The following DGKB variants were observed in gnomAD, a reference collection of about 807,000 sequenced individuals.
The protein encoded by DGKB is diacylglycerol kinase beta, also known as 90 kDa diacylglycerol kinase.
A neutral mutation model predicts 114.3 loss-of-function variants in DGKB; 67 were observed. The observed-to-expected ratio is 0.59, with a 90% CI of 0.48 to 0.72. DGKB has a LOEUF of 0.72. DGKB is among the 30% of genes least tolerant of loss of function. The pLI, the probability that DGKB is intolerant of heterozygous loss-of-function variation, is 0.00. For synonymous variants in DGKB, 398 were observed against 323.1 expected (o/e 1.23, Z -2.49); for missense variants, 907 against 975.2 (o/e 0.93, Z 0.93).
chr7:14,379,199 C>G (rs1191013022), intron 21 of DGKB, among the ~76,000 whole-genome samples: 1 of 152,144 alleles, frequency 6.6e-6, no homozygotes. Context: ...GCTTCATTTT[C>G]TTGTCTCATT....
intron 25 of DGKB, among the ~76,000 whole-genome samples, chr7:14,164,301 C>T (rs1430553073): frequency 2.0e-5 from 3 of 152,146 alleles, no homozygotes; most frequent in African/African-American, 4.8e-5. Flanking sequence ...TCTTTAAAAA[C>T]GGTGTGTCTA....
intron 12 of DGKB, among the ~76,000 whole-genome samples, chr7:14,680,335 A>G (rs535946639): frequency 1.3e-5 from 2 of 152,156 alleles, no homozygotes; most frequent in South Asian, 4.1e-4. Context: ...TATTTAGTGT[A>G]AGAATAAAAT....
chr7:14,219,506 A>G (rs1789565796), intron 23 of DGKB, among the ~76,000 whole-genome samples: 1 of 151,772 alleles, frequency 6.6e-6, no homozygotes, highest in Non-Finnish European at 1.5e-5. Context: ...CATTTTCCTA[A>G]TGACTAAGGA....
intron 3 of DGKB, among the ~76,000 whole-genome samples, chr7:14,754,879 C>T (rs1186316876): frequency 6.6e-6 from 1 of 152,166 alleles, no homozygotes; most frequent in East Asian, 1.9e-4. Context: ...CCTAACCTTT[C>T]TCCTTCCTAT....
chr7:14,256,101 G>A (rs948536099), intron 23 of DGKB, among the ~76,000 whole-genome samples: 21 of 150,492 alleles, frequency 1.4e-4, no homozygotes, highest in African/African-American at 2.7e-4. Context: ...ATTAGACTTT[G>A]AAAGAACTAG....
intron 20 of DGKB, among the ~76,000 whole-genome samples, chr7:14,557,483 AAG>A (rs1796041668): frequency 6.6e-6 from 1 of 151,830 alleles, no homozygotes; most frequent in South Asian, 2.1e-4. Flanking sequence ...CTTTTTTTCC[AAG>A]TTGTTTTCTT....
chr7:14,239,099 T>A (rs753682146), intron 23 of DGKB, among the ~76,000 whole-genome samples: 2 of 152,022 alleles, frequency 1.3e-5, no homozygotes, highest in Non-Finnish European at 2.9e-5. Context: ...TAGGCTTGCA[T>A]CTGTTTATGT....
At chr7:14,592,899 T>C (rs1158906237) in intron 17 of DGKB, among the ~76,000 whole-genome samples, 1 of 151,966 alleles carries the variant, frequency 6.6e-6, no homozygotes, top group Admixed American at 6.6e-5. Flanking sequence ...TTATAAAATT[T>C]AGTTAAACTA....
intron 16 of DGKB, 114 bp downstream of exon 16, chr7:14,613,226 T>C (rs968852576): frequency 4.8e-6 from 3 of 624,976 alleles, no homozygotes; most frequent in Non-Finnish European, 8.5e-6. Context: ...ATCATTTATT[T>C]TGCATTAAAA....
At chr7:14,883,720 G>C (rs1241976473) in intron 1 of DGKB, among the ~76,000 whole-genome samples, 1 of 151,824 alleles carries the variant, frequency 6.6e-6, no homozygotes, top group Non-Finnish European at 1.5e-5. Context: ...AGGCTTAATT[G>C]GCATTTTGCA....
intron 12 of DGKB, among the ~76,000 whole-genome samples, chr7:14,677,638 T>C (rs750842735): frequency 3.9e-5 from 6 of 152,040 alleles, no homozygotes; most frequent in Admixed American, 1.3e-4. Context: ...AGAGCTTACC[T>C]TGACAAGCAA....
intron 5 of DGKB, among the ~76,000 whole-genome samples, chr7:14,726,793 T>C (rs867077940): frequency 1.3e-5 from 2 of 152,228 alleles, no homozygotes; most frequent in African/African-American, 2.4e-5. Flanking sequence ...TTGATAGATA[T>C]ACAACTAGCC....
chr7:14,684,749 G>A (rs1330256638), intron 10 of DGKB, among the ~76,000 whole-genome samples: 1 of 151,936 alleles, frequency 6.6e-6, no homozygotes, highest in African/African-American at 2.4e-5. Flanking sequence ...AAAATAATAG[G>A]CTTGAGGTGT....
chr7:14,398,617 G>A (rs1822604286), intron 21 of DGKB, among the ~76,000 whole-genome samples: 1 of 151,944 alleles, frequency 6.6e-6, no homozygotes, highest in Non-Finnish European at 1.5e-5. Flanking sequence ...ATCATCTACA[G>A]AAGTAAAAGA....
At chr7:14,778,392 T>G (rs1294634721) in intron 2 of DGKB, among the ~76,000 whole-genome samples, 2 of 152,114 alleles carry the variant, frequency 1.3e-5, no homozygotes, top group Non-Finnish European at 2.9e-5. Context: ...TAAACTAACT[T>G]GCAAAACAGT....
At chr7:14,449,342 T>C (rs993701310) in intron 21 of DGKB, among the ~76,000 whole-genome samples, 1 of 152,102 alleles carries the variant, frequency 6.6e-6, no homozygotes, top group Admixed American at 6.6e-5. Context: ...TGCATTTTAC[T>C]GATTCCCTAC....
chr7:14,365,546 A>C (rs1411515613), intron 21 of DGKB, among the ~76,000 whole-genome samples: 1 of 152,072 alleles, frequency 6.6e-6, no homozygotes, highest in Non-Finnish European at 1.5e-5. Context: ...AGTATAATAC[A>C]TAGATCATAT....
intron 20 of DGKB, among the ~76,000 whole-genome samples, chr7:14,497,190 G>T (rs529912028): frequency 6.6e-6 from 1 of 151,690 alleles, no homozygotes; most frequent in East Asian, 1.9e-4. Context: ...TCAGAAGCGG[G>T]GAGAAAGAAA....
chr7:14,320,353 G>C (rs907655868), intron 23 of DGKB, among the ~76,000 whole-genome samples: 2 of 152,144 alleles, frequency 1.3e-5, no homozygotes, highest in Non-Finnish European at 2.9e-5. Context: ...GCTATGGTCA[G>C]ATGATCCATA....
Sources: gnomAD v4.1 joint callset for allele counts (sites outside exome capture counted in the v4.1 genomes callset) on GRCh38, gnomAD v4.1.1 for gene constraint, MANE v1.5 for transcripts, NCBI Gene and HGNC (gene_info 2026-07-23, HGNC 2026-07-21) for gene names.